The following GPR158 variants were observed in gnomAD, a reference collection of about 807,000 sequenced individuals.
The protein encoded by GPR158 is metabotropic glycine receptor.
GPR158 carries 30 observed loss-of-function variants against 78.2 expected under a neutral mutation model. The observed-to-expected ratio is 0.38, with a 90% confidence interval of 0.29 to 0.52. GPR158 has a LOEUF of 0.52. Ranked by LOEUF, GPR158 falls within the 20% of genes least tolerant of loss-of-function variation. The pLI is 0.83. For missense variants in GPR158, 1,463 were observed against 1,523.5 expected, an observed-to-expected ratio of 0.96 and a Z score of 0.66; for synonymous variants, 581 against 591.1, an observed-to-expected ratio of 0.98 and a Z score of 0.25.
chr10:25,582,832 T>C (rs1281220435), intron 7 of GPR158, among the ~76,000 whole-genome samples: 1 of 152,168 alleles, frequency 6.6e-6, no homozygotes, highest in African/African-American at 2.4e-5. Context: ...ATCAGATTAA[T>C]TGAGGGGACA....
intron 5 of GPR158, among the ~76,000 whole-genome samples, chr10:25,467,051 A>G (rs1236385106): frequency 6.6e-6 from 1 of 152,148 alleles, no homozygotes; most frequent in Non-Finnish European, 1.5e-5. Context: ...GTTGGGGTGC[A>G]GCGTGGTTTT....
intron 1 of GPR158, among the ~76,000 whole-genome samples, chr10:25,200,868 G>GTTTTTTTTTTTTTTTTTTTTTTTTTTTTT (rs56696555): frequency 1.8e-5 from 2 of 113,304 alleles, no homozygotes; most frequent in South Asian, 2.9e-4. Flanking sequence ...TTTTTGTTTT[G>GTTTTTTTTTTTTTTTTTTTTTTTTTTTTT]TTTTTTTTTT....
At chr10:25,440,938 G>C (rs1225985466) in intron 4 of GPR158, among the ~76,000 whole-genome samples, 2 of 152,140 alleles carry the variant, frequency 1.3e-5, no homozygotes, top group South Asian at 4.1e-4. Flanking sequence ...AAATAGATTA[G>C]AGGTAGGACT....
intron 2 of GPR158, among the ~76,000 whole-genome samples, chr10:25,286,824 T>G (rs1478040198): frequency 6.6e-6 from 1 of 152,178 alleles, no homozygotes; most frequent in Non-Finnish European, 1.5e-5. Flanking sequence ...ACCACCAGCT[T>G]GCCATTTCAG....
At chr10:25,519,614 A>G (rs1030514915) in intron 5 of GPR158, among the ~76,000 whole-genome samples, 2 of 143,676 alleles carry the variant, frequency 1.4e-5, no homozygotes, top group African/African-American at 2.9e-5. Context: ...AAAGTATTTT[A>G]TTTCTCCTTC....
chr10:25,500,435 C>T (rs561765239), intron 5 of GPR158, among the ~76,000 whole-genome samples: 4 of 152,282 alleles, frequency 2.6e-5, no homozygotes, highest in Middle Eastern at 3.4e-3. Context: ...GGGATTACTA[C>T]GTGCCTTTTG....
At chr10:25,369,598 A>G (rs958785400) in intron 2 of GPR158, among the ~76,000 whole-genome samples, 7 of 151,658 alleles carry the variant, frequency 4.6e-5, no homozygotes, top group African/African-American at 1.5e-4. Flanking sequence ...TTTTGCATCG[A>G]TGTTCATCAA....
At position 25,572,816 on chromosome 10, in the gene GPR158, AG is replaced by A; in HGVS notation, c.1686del (p.Thr564HisfsTer18). 6.2e-7 allele frequency: 1 copy of A among 1,613,982 alleles called. No individual in the cohort carries two copies. The highest frequency in any genetic ancestry group is 8.5e-7 in the Non-Finnish European group (1 of 1,179,882). ...GAGAAACAGATTTCACTTATTGGCC[AG>A]GGGAAAACATCCGATCACCTCATCT... is the stretch of plus-strand genomic sequence containing the variant. ...NLEKQISLIG[Q>X]GKTSDHLIFN... is the part of the protein sequence containing the mutation. On this transcript the variant is annotated frameshift_variant, in exon 7 of 11. Transcript: ENST00000376351. LOFTEE classifies it high-confidence loss of function.
At chr10:25,216,181 G>A (rs188258785) in intron 1 of GPR158, among the ~76,000 whole-genome samples, 1 of 152,276 alleles carries the variant, frequency 6.6e-6, no homozygotes, top group African/African-American at 2.4e-5. Flanking sequence ...ACTGGATTCT[G>A]TTCTGGTTGT....
chr10:25,599,351 C>T lies in GPR158; in HGVS notation c.*77C>T. On this transcript the variant is annotated 3_prime_UTR_variant, in exon 11 of 11. Transcript: ENST00000376351. ...AGAAGATATAAGAATCAAATATTCC[C>T]AAGGAGGATTTGTCAATCAAGGAAA... 1 of 1,109,176 alleles carries T rather than the reference C, an allele frequency of 9.0e-7. No homozygotes were observed. Among genetic ancestry groups the T allele is most frequent in the Non-Finnish European group, 1.3e-6 (1 of 776,392 alleles). 68.7% of individuals were successfully genotyped at this position (1,109,176 alleles called of 1,614,324 possible). A position where few individuals can be genotyped will look rare whatever the true frequency, so the allele number is the denominator to read the frequency against.
chr10:25,424,190 G>C (rs1482030152), intron 4 of GPR158, among the ~76,000 whole-genome samples: 1 of 152,284 alleles, frequency 6.6e-6, no homozygotes, highest in South Asian at 2.1e-4. Flanking sequence ...CTTTTGAGAA[G>C]TGTCTGTTCA....
At chr10:25,575,611 A>G (rs1837081941) in intron 7 of GPR158, among the ~76,000 whole-genome samples, 1 of 152,170 alleles carries the variant, frequency 6.6e-6, no homozygotes, top group Admixed American at 6.5e-5. Flanking sequence ...GACTCCACGG[A>G]GGGAGTCAGA....
chr10:25,360,540 TG>T (rs377054659), intron 2 of GPR158, among the ~76,000 whole-genome samples: 4,511 of 152,274 alleles, frequency 0.03, 237 homozygotes, highest in African/African-American at 0.1. Context: ...TTGTCGGGTT[TG>T]TCAAAGATCA....
intron 2 of GPR158, among the ~76,000 whole-genome samples, chr10:25,352,662 C>T (rs1006356940): frequency 3.3e-5 from 5 of 151,826 alleles, no homozygotes; most frequent in African/African-American, 4.8e-5. Context: ...GATGCTTGTG[C>T]CAGATTAAAG....
chr10:25,272,043 T>C (rs1385827305), intron 2 of GPR158, among the ~76,000 whole-genome samples: 1 of 152,138 alleles, frequency 6.6e-6, no homozygotes, highest in Non-Finnish European at 1.5e-5. Flanking sequence ...TTAAACCATC[T>C]CATATCCTTG....
intron 2 of GPR158, among the ~76,000 whole-genome samples, chr10:25,360,746 CT>C (rs554543439): frequency 1.3e-5 from 2 of 151,964 alleles, no homozygotes; most frequent in African/African-American, 2.4e-5. Context: ...TATATGGGCT[CT>C]TTTTTTGTTG....
At chr10:25,415,236 C>A (rs1773689) in intron 4 of GPR158, among the ~76,000 whole-genome samples, 1 of 151,758 alleles carries the variant, frequency 6.6e-6, no homozygotes. Context: ...AGAAAACACA[C>A]AGAATGGCAG....
At chr10:25,476,333 A>G (rs1440763082) in intron 5 of GPR158, among the ~76,000 whole-genome samples, 2 of 151,934 alleles carry the variant, frequency 1.3e-5, no homozygotes, top group Admixed American at 1.3e-4. Context: ...GTAATTTAAA[A>G]TCTAGAAGTT....
intron 5 of GPR158, among the ~76,000 whole-genome samples, chr10:25,534,369 G>A (rs763205475): frequency 6.6e-6 from 1 of 152,084 alleles, no homozygotes; most frequent in South Asian, 2.1e-4. Context: ...GCCAGGCGCG[G>A]TATCTCATGC....
Sources: allele counts gnomAD v4.1 joint callset (sites outside exome capture counted in the v4.1 genomes callset), GRCh38; gene constraint gnomAD v4.1.1; transcripts MANE v1.5; gene names NCBI Gene and HGNC (gene_info 2026-07-23, HGNC 2026-07-21).